EEPD1: variants seen among roughly 807,000 people sequenced by gnomAD.
EEPD1 encodes endonuclease/exonuclease/phosphatase family domain-containing protein 1.
In EEPD1, 17 loss-of-function variants were observed where a neutral mutation model predicts 46.3. That is an observed-to-expected ratio of 0.37 (90% CI 0.25 to 0.55). The LOEUF (loss-of-function observed/expected upper bound fraction) is 0.55. Among genes scored for constraint, EEPD1 ranks in the 20% least tolerant of loss-of-function variants. EEPD1 has a pLI of 0.83. For synonymous variants in EEPD1, 313 were observed against 315.6 expected (o/e 0.99, Z 0.09); for missense variants, 673 against 745.6 (o/e 0.90, Z 1.13).
intron 2 of EEPD1, among the ~76,000 whole-genome samples, chr7:36,181,703 T>C (rs1785270890): frequency 6.6e-6 from 1 of 152,218 alleles, no homozygotes; most frequent in African/African-American, 2.4e-5. Context: ...CTGGATTTTG[T>C]CTTGGTGCTT....
intron 2 of EEPD1, among the ~76,000 whole-genome samples, chr7:36,189,972 A>T (rs999629184): frequency 6.6e-6 from 1 of 152,148 alleles, no homozygotes; most frequent in African/African-American, 2.4e-5. Context: ...TGGGCAATGT[A>T]GTGAGAGCCT....
At chr7:36,288,985 A>G (rs1402437627) in intron 6 of EEPD1, among the ~76,000 whole-genome samples, 1 of 152,220 alleles carries the variant, frequency 6.6e-6, no homozygotes. Flanking sequence ...GTCTGGACCA[A>G]TATTCTCTAG....
intron 6 of EEPD1, 86 bp downstream of exon 6, chr7:36,287,863 G>A: frequency 6.5e-7 from 1 of 1,537,794 alleles, no homozygotes; most frequent in Non-Finnish European, 8.8e-7. Flanking sequence ...GACCACTTGG[G>A]CTGGCTGTTT....
chr7:36,183,913 G>A (rs1278867878), intron 2 of EEPD1, among the ~76,000 whole-genome samples: 1 of 130,404 alleles, frequency 7.7e-6, no homozygotes. Context: ...GTGTGTTGTT[G>A]TTTATTATGT....
intron 3 of EEPD1, among the ~76,000 whole-genome samples, chr7:36,262,571 G>A (rs996569561): frequency 1.6e-4 from 25 of 152,258 alleles, no homozygotes; most frequent in Admixed American, 9.2e-4. Context: ...GTTGTGTCTC[G>A]TCTCCCCTGA....
chr7:36,181,462 T>C (rs1785268246), intron 2 of EEPD1, among the ~76,000 whole-genome samples: 1 of 152,184 alleles, frequency 6.6e-6, no homozygotes, highest in African/African-American at 2.4e-5. Context: ...TTTGCACTCC[T>C]AACATCTGTC....
At chr7:36,175,721 C>G (rs2115641209) in intron 2 of EEPD1, among the ~76,000 whole-genome samples, 1 of 152,286 alleles carries the variant, frequency 6.6e-6, no homozygotes, top group Non-Finnish European at 1.5e-5. Context: ...CAGACACTGC[C>G]AGATGAACAT....
At chr7:36,223,408 G>A (rs1322030513) in intron 2 of EEPD1, among the ~76,000 whole-genome samples, 1 of 151,936 alleles carries the variant, frequency 6.6e-6, no homozygotes, top group Non-Finnish European at 1.5e-5. Context: ...GGCAAATGAG[G>A]CAACTCCTCT....
chr7:36,214,923 CG>C (rs1253186236), intron 2 of EEPD1, among the ~76,000 whole-genome samples: 1 of 152,176 alleles, frequency 6.6e-6, no homozygotes, highest in Non-Finnish European at 1.5e-5. Flanking sequence ...CTCGGTATTA[CG>C]GGGTCAGCAG....
chr7:36,234,867 C>T (rs894267462), intron 2 of EEPD1, among the ~76,000 whole-genome samples: 11 of 151,958 alleles, frequency 7.2e-5, no homozygotes, highest in African/African-American at 2.4e-4. Flanking sequence ...CCCCTTGGAG[C>T]TCTCATGCTT....
intron 5 of EEPD1, among the ~76,000 whole-genome samples, chr7:36,286,884 G>T (rs1254378699): frequency 6.6e-6 from 1 of 152,118 alleles, no homozygotes; most frequent in Non-Finnish European, 1.5e-5. Context: ...GGCCAAGCTG[G>T]TCTCAAATTG....
At chr7:36,296,030 C>CAAAA (rs34494609) in intron 6 of EEPD1, among the ~76,000 whole-genome samples, 944 of 70,470 alleles carry the variant, frequency 0.013, 15 homozygotes, top group East Asian at 0.017. Context: ...GACTGTCTCA[C>CAAAA]AAAAAAAAAA....
intron 3 of EEPD1, among the ~76,000 whole-genome samples, chr7:36,250,190 C>G (rs1308151970): frequency 6.6e-6 from 1 of 152,184 alleles, no homozygotes; most frequent in Non-Finnish European, 1.5e-5. Flanking sequence ...CCACTGCACT[C>G]CAGTCTGGGT....
At chr7:36,196,833 C>A (rs1046661579) in intron 2 of EEPD1, among the ~76,000 whole-genome samples, 1 of 151,972 alleles carries the variant, frequency 6.6e-6, no homozygotes, top group Non-Finnish European at 1.5e-5. Context: ...CCGGCCGCCA[C>A]CCCGTCTGGG....
At chr7:36,289,627 T>G (rs1006463766) in intron 6 of EEPD1, among the ~76,000 whole-genome samples, 4 of 152,248 alleles carry the variant, frequency 2.6e-5, no homozygotes, top group African/African-American at 9.6e-5. Context: ...CCCGAGTAGC[T>G]GGGACTATAG....
chr7:36,247,163 C>T (rs1314029765), intron 3 of EEPD1, among the ~76,000 whole-genome samples: 2 of 150,656 alleles, frequency 1.3e-5, no homozygotes, highest in African/African-American at 2.4e-5. Context: ...TTGAACTTGA[C>T]AGATTAGTCA....
At chr7:36,186,803 A>G (rs1450277639) in intron 2 of EEPD1, among the ~76,000 whole-genome samples, 1 of 152,236 alleles carries the variant, frequency 6.6e-6, no homozygotes, top group African/African-American at 2.4e-5. Context: ...TTAGTAAGCT[A>G]AGCATTCTTT....
chr7:36,168,059 T>C (rs1028960508), intron 2 of EEPD1, among the ~76,000 whole-genome samples: 1 of 152,104 alleles, frequency 6.6e-6, no homozygotes, highest in Non-Finnish European at 1.5e-5. Context: ...CCTATCAGCA[T>C]GTATTTCCCC....
chr7:36,225,698 C>T lies in EEPD1; in HGVS notation c.879-13287C>T, dbSNP rs550091019. 3.3e-5 allele frequency among the ~76,000 whole-genome samples: 5 copies of T among 152,268 alleles called. No homozygotes were observed. The highest frequency in any genetic ancestry group is 1.2e-4 in the African/African-American group (5 of 41,542). Reference sequence around the variant, plus strand: ...AATTAAAAAAAAATTTGGCTCTATTCCCAGGCCCCATAACACCAACCTACG... The same window carrying T: ...AATTAAAAAAAAATTTGGCTCTATTTCCAGGCCCCATAACACCAACCTACG... On this transcript the variant is annotated intron_variant, in intron 2 of 7. Coordinates refer to ENST00000242108, the MANE Select transcript of EEPD1 (RefSeq NM_030636.3). The surrounding 1 kb of genome is among the most constrained non-coding windows in gnomAD (Gnocchi z 4.2).
Sources: gnomAD v4.1 joint callset for allele counts (sites outside exome capture counted in the v4.1 genomes callset) on GRCh38, gnomAD v4.1.1 for gene constraint, Gnocchi (gnomAD v3.1) non-coding constraint, MANE v1.5 for transcripts, NCBI Gene and HGNC (gene_info 2026-07-23, HGNC 2026-07-21) for gene names.